Variants in LTBP1 observed in about 807,000 individuals in gnomAD.
LTBP1 encodes the protein latent transforming growth factor beta binding protein 1, also known as latent-transforming growth factor beta-binding protein 1.
A neutral mutation model predicts 207.6 loss-of-function variants in LTBP1; 129 were observed. The observed-to-expected ratio is 0.62, with a 90% CI of 0.54 to 0.72. LTBP1 has a LOEUF of 0.72. LTBP1 is among the 30% of genes least tolerant of loss of function. The pLI is 0.00. For missense variants in LTBP1, 2,281 were observed against 2,217.2 expected (o/e 1.03, Z -0.58); for synonymous variants, 963 against 833.7 (o/e 1.16, Z -2.67).
chr2:33,119,052 A>G (rs558435454), intron 4 of LTBP1, among the ~76,000 whole-genome samples: 15 of 152,288 alleles, frequency 9.8e-5, no homozygotes, highest in African/African-American at 3.6e-4. Flanking sequence ...GGTTTTAGTT[A>G]TAAGGGCCCA....
chr2:33,328,351 G>A lies in LTBP1; in HGVS notation c.3730+13082G>A, dbSNP rs186922627. On this transcript the variant is annotated intron_variant, in intron 24 of 33. Transcript: ENST00000404816. Reference sequence around the variant, plus strand: ...TTACCACTATCCTGACTTCATTATTGTAGATTCGTTCTGCCTGGTGTATTA... The same window carrying A: ...TTACCACTATCCTGACTTCATTATTATAGATTCGTTCTGCCTGGTGTATTA... Among the ~76,000 whole-genome samples the A allele has an allele frequency of 8.7e-4, 133 of 152,080 alleles. 1 individual carries two copies. The Middle Eastern group carries it at 0.024, about 27-fold the overall frequency.
chr2:33,234,546 CA>C (rs1573340191), intron 9 of LTBP1, among the ~76,000 whole-genome samples: 1 of 152,084 alleles, frequency 6.6e-6, no homozygotes, highest in African/African-American at 2.4e-5. Flanking sequence ...AGGAGAACTA[CA>C]AACCACTGCT....
intron 26 of LTBP1, among the ~76,000 whole-genome samples, chr2:33,352,416 C>A (rs1166019983): frequency 1.3e-5 from 2 of 152,162 alleles, no homozygotes; most frequent in Non-Finnish European, 1.5e-5. Context: ...AGGCATGAGC[C>A]ACTGCACCCA....
At chr2:33,084,641 T>C (rs1218767729) in intron 3 of LTBP1, among the ~76,000 whole-genome samples, 2 of 152,150 alleles carry the variant, frequency 1.3e-5, no homozygotes, top group African/African-American at 4.8e-5. Context: ...GAAACCACCA[T>C]TGACAAGAGT....
chr2:33,170,067 C>T (rs567093275), intron 5 of LTBP1, among the ~76,000 whole-genome samples: 9 of 152,316 alleles, frequency 5.9e-5, no homozygotes, highest in East Asian at 1.9e-4. Context: ...CAGCTCCCAG[C>T]GTGAGTGATG....
intron 5 of LTBP1, among the ~76,000 whole-genome samples, chr2:33,172,019 G>A (rs1429222149): frequency 6.6e-6 from 1 of 152,184 alleles, no homozygotes; most frequent in Admixed American, 6.5e-5. Flanking sequence ...ACTAAACATG[G>A]AAAGGAACAA....
intron 2 of LTBP1, among the ~76,000 whole-genome samples, chr2:32,975,284 C>T (rs748589628): frequency 1.3e-5 from 2 of 151,676 alleles, no homozygotes; most frequent in Non-Finnish European, 1.5e-5. Flanking sequence ...GGTGACCTGC[C>T]CCTTCTCTCT....
At chr2:33,325,209 T>A (rs942853924) in intron 24 of LTBP1, among the ~76,000 whole-genome samples, 5 of 152,234 alleles carry the variant, frequency 3.3e-5, no homozygotes, top group African/African-American at 7.2e-5. Flanking sequence ...CTGATGCTTG[T>A]TTGCATTTGA....
intron 3 of LTBP1, among the ~76,000 whole-genome samples, chr2:33,053,168 G>A (rs2076828916): frequency 6.6e-6 from 1 of 152,166 alleles, no homozygotes; most frequent in Non-Finnish European, 1.5e-5. Context: ...ACCGCGCCTG[G>A]CCTAAAAGAT....
intron 7 of LTBP1, among the ~76,000 whole-genome samples, chr2:33,215,305 G>A (rs1346054939): frequency 6.6e-6 from 1 of 152,072 alleles, no homozygotes; most frequent in Non-Finnish European, 1.5e-5. Context: ...CTAAGATAAT[G>A]CGTGTAAGAA....
Position 33,363,372 on chromosome 2 carries a change from CA to C in LTBP1, c.4271-16del. ...AAACCTAACTCCTTTTTGTATTTCT[CA>C]ATTTTTTTCCCCGTAGATGCAGATG... On this transcript the variant is annotated splice_polypyrimidine_tract_variant and intron_variant, in intron 28 of 33. Coordinates refer to ENST00000404816, the MANE Select transcript of LTBP1 (RefSeq NM_206943.4). The C allele has an allele frequency of 6.2e-7, 1 of 1,611,768 alleles. No homozygotes were observed. The highest frequency in any genetic ancestry group is 8.5e-7 in the Non-Finnish European group (1 of 1,178,876).
intron 2 of LTBP1, among the ~76,000 whole-genome samples, chr2:32,975,105 A>G (rs1681499931): frequency 6.6e-6 from 1 of 152,220 alleles, no homozygotes; most frequent in Non-Finnish European, 1.5e-5. Context: ...TGCTTATTTG[A>G]AAAGGGTCTT....
chr2:33,051,332 A>G (rs1168116929), intron 3 of LTBP1, among the ~76,000 whole-genome samples: 2 of 152,014 alleles, frequency 1.3e-5, no homozygotes, highest in East Asian at 1.9e-4. Flanking sequence ...TGGGGGGATT[A>G]CTTGAGTCCA....
chr2:33,007,963 G>A (rs1400930496), intron 2 of LTBP1, among the ~76,000 whole-genome samples: 2 of 152,196 alleles, frequency 1.3e-5, no homozygotes, highest in African/African-American at 2.4e-5. Context: ...TTGACTGTCT[G>A]GCTTCAGTGG....
intron 22 of LTBP1, among the ~76,000 whole-genome samples, chr2:33,309,210 G>A (rs565845096): frequency 6.6e-6 from 1 of 151,322 alleles, no homozygotes; most frequent in African/African-American, 2.4e-5. Context: ...TTGAACCTGG[G>A]AGGCAGAGGT....
intron 2 of LTBP1, among the ~76,000 whole-genome samples, chr2:33,007,033 T>C (rs1035177128): frequency 2.0e-5 from 3 of 152,322 alleles, no homozygotes; most frequent in Admixed American, 2.0e-4. Flanking sequence ...AATGTTTGTG[T>C]TCTACGATGA....
In LTBP1 at chr2:33,309,794, G is replaced by A. The variant is rs184168366; in HGVS notation, c.3604+238G>A. Among the ~76,000 whole-genome samples the A allele has an allele frequency of 3.2e-4, 49 of 152,248 alleles. No homozygotes were observed. The East Asian group carries it at 8.1e-3, about 25-fold the overall frequency. ...AGCTGTGTCCTCACTGCGTGCTTCC[G>A]TCACCTGTACTTTACTGTTTATTCC... On this transcript the variant is annotated intron_variant, in intron 23 of 33. Transcript: ENST00000404816.
intron 22 of LTBP1, among the ~76,000 whole-genome samples, chr2:33,304,768 C>T (rs1168404806): frequency 6.6e-6 from 1 of 152,226 alleles, no homozygotes; most frequent in African/African-American, 2.4e-5. Flanking sequence ...TCATTACTTA[C>T]AATGTCTTTC....
chr2:33,206,901 TTAAAA>T (rs1388760926), intron 7 of LTBP1, among the ~76,000 whole-genome samples: 1 of 152,130 alleles, frequency 6.6e-6, no homozygotes, highest in Non-Finnish European at 1.5e-5. Flanking sequence ...GTAATTAAAC[TTAAAA>T]TAAATTCGAT....
Sources: gnomAD v4.1 joint callset for allele counts (sites outside exome capture counted in the v4.1 genomes callset) on GRCh38, gnomAD v4.1.1 for gene constraint, MANE v1.5 for transcripts, NCBI Gene and HGNC (gene_info 2026-07-23, HGNC 2026-07-21) for gene names.